Variants in EPHA3 observed in about 807,000 individuals in gnomAD.
EPHA3 encodes the protein EPH receptor A3.
Under a neutral mutation model 107.1 loss-of-function variants are expected in EPHA3, and 42 were observed. The ratio of observed to expected loss-of-function variants is 0.39; its 90% CI spans 0.31 to 0.51. The LOEUF (loss-of-function observed/expected upper bound fraction) is 0.51. Among genes scored for constraint, EPHA3 ranks in the 20% least tolerant of loss-of-function variants. The probability of loss-of-function intolerance (pLI) is 0.78; values close to 1 mark genes in which losing one functional copy is unlikely to be tolerated. For missense variants in EPHA3, 1,183 were observed against 1,211.2 expected (o/e 0.98, Z 0.35); for synonymous variants, 461 against 424.8 (o/e 1.09, Z -1.05).
intron 3 of EPHA3, among the ~76,000 whole-genome samples, chr3:89,282,746 C>T (rs930375504): frequency 3.9e-5 from 6 of 151,980 alleles, no homozygotes; most frequent in East Asian, 3.8e-4. Flanking sequence ...TTGAATCATG[C>T]GTGATCTGTA....
chr3:89,371,716 A>G lies in EPHA3; in HGVS notation c.1307-24121A>G, dbSNP rs550823530. Reference sequence around the variant, plus strand: ...GGTTTATTGTACAAGGCACAGTGATACACATACACACACACACACACACAC... The same window carrying G: ...GGTTTATTGTACAAGGCACAGTGATGCACATACACACACACACACACACAC... On this transcript the variant is annotated intron_variant, in intron 5 of 16. Coordinates refer to ENST00000336596, the MANE Select transcript of EPHA3 (RefSeq NM_005233.6). 4.0e-5 allele frequency among the ~76,000 whole-genome samples: 6 copies of G among 151,092 alleles called. No individual in the cohort carries two copies. The East Asian group carries it at 1.2e-3, about 30-fold the overall frequency.
chr3:89,310,336 A>G (rs1275720495), intron 3 of EPHA3, among the ~76,000 whole-genome samples: 1 of 152,134 alleles, frequency 6.6e-6, no homozygotes, highest in Non-Finnish European at 1.5e-5. Context: ...AATTATCCTT[A>G]TAATGCACAG....
At chr3:89,137,610 A>G (rs1704343292) in intron 2 of EPHA3, among the ~76,000 whole-genome samples, 1 of 151,968 alleles carries the variant, frequency 6.6e-6, no homozygotes, top group African/African-American at 2.4e-5. Flanking sequence ...GTAGATTACC[A>G]TTACTTTTTT....
At chr3:89,224,884 TAAA>T (rs1389918136) in intron 3 of EPHA3, among the ~76,000 whole-genome samples, 4 of 151,096 alleles carry the variant, frequency 2.6e-5, no homozygotes, top group Non-Finnish European at 5.9e-5. Flanking sequence ...TAAATAATAA[TAAA>T]AAAATAAAAA....
intron 3 of EPHA3, among the ~76,000 whole-genome samples, chr3:89,237,534 T>G (rs546990716): frequency 2.6e-5 from 4 of 152,226 alleles, no homozygotes; most frequent in African/African-American, 4.8e-5. Context: ...CATTTTTTCC[T>G]AAGAGTTTCT....
chr3:89,268,949 C>T (rs1356199991), intron 3 of EPHA3, among the ~76,000 whole-genome samples: 1 of 150,948 alleles, frequency 6.6e-6, no homozygotes, highest in African/African-American at 2.4e-5. Context: ...GTATTTTATA[C>T]AAGGTCGTGT....
chr3:89,382,842 A>G (rs1708539421), intron 5 of EPHA3, among the ~76,000 whole-genome samples: 1 of 152,198 alleles, frequency 6.6e-6, no homozygotes, highest in Non-Finnish European at 1.5e-5. Flanking sequence ...ACATGAAGGC[A>G]TGTTCCTGGA....
chr3:89,159,540 AAAT>A, intron 2 of EPHA3, among the ~76,000 whole-genome samples: 1 of 152,250 alleles, frequency 6.6e-6, no homozygotes, highest in East Asian at 1.9e-4. Context: ...GCTGCTGCCA[AAAT>A]AATAAATTCT....
intron 3 of EPHA3, among the ~76,000 whole-genome samples, chr3:89,256,675 T>A (rs952916889): frequency 5.9e-5 from 9 of 152,200 alleles, no homozygotes; most frequent in African/African-American, 1.9e-4. Context: ...GCTAAAGGAA[T>A]TTCTTGTCAA....
chr3:89,397,707 C>A (rs180906960), intron 6 of EPHA3, among the ~76,000 whole-genome samples: 1,714 of 152,212 alleles, frequency 0.011, 36 homozygotes, highest in African/African-American at 0.039. Flanking sequence ...CCTCAGCCTC[C>A]CAAGTAGCTG....
chr3:89,387,716 A>T (rs1708650577), intron 5 of EPHA3, among the ~76,000 whole-genome samples: 1 of 148,478 alleles, frequency 6.7e-6, no homozygotes, highest in South Asian at 2.1e-4. Flanking sequence ...TATAACAAGG[A>T]ATATGTTGAT....
At chr3:89,284,302 A>C (rs1202228666) in intron 3 of EPHA3, among the ~76,000 whole-genome samples, 1 of 152,132 alleles carries the variant, frequency 6.6e-6, no homozygotes, top group Non-Finnish European at 1.5e-5. Flanking sequence ...GACTGGAGTG[A>C]TTAGTGAATT....
intron 7 of EPHA3, among the ~76,000 whole-genome samples, chr3:89,405,530 C>T (rs1709039474): frequency 6.6e-6 from 1 of 152,204 alleles, no homozygotes; most frequent in South Asian, 2.1e-4. Flanking sequence ...CTGCCACACT[C>T]TGAGCACTTT....
intron 3 of EPHA3, among the ~76,000 whole-genome samples, chr3:89,233,661 C>T (rs1293325279): frequency 2.6e-5 from 4 of 152,062 alleles, no homozygotes; most frequent in South Asian, 2.1e-4. Context: ...AGGTCTTGCA[C>T]AATTTCTAAC....
intron 3 of EPHA3, among the ~76,000 whole-genome samples, chr3:89,249,215 GC>G (rs1434900162): frequency 1.3e-5 from 2 of 152,044 alleles, no homozygotes; most frequent in Non-Finnish European, 2.9e-5. Flanking sequence ...TTCTTCAAAG[GC>G]CCTGGTTTTG....
At chr3:89,212,514 A>C (rs1252716672) in intron 3 of EPHA3, among the ~76,000 whole-genome samples, 2 of 152,026 alleles carry the variant, frequency 1.3e-5, no homozygotes, top group Non-Finnish European at 2.9e-5. Context: ...AGATCCCAGC[A>C]TAACTCTTCT....
intron 1 of EPHA3, among the ~76,000 whole-genome samples, chr3:89,115,151 T>C (rs1707222168): frequency 6.6e-6 from 1 of 152,200 alleles, no homozygotes; most frequent in African/African-American, 2.4e-5. Context: ...CGCCCTGTTG[T>C]GCAGCTTGCT....
At chr3:89,385,122 T>C (rs937784500) in intron 5 of EPHA3, among the ~76,000 whole-genome samples, 1 of 152,212 alleles carries the variant, frequency 6.6e-6, no homozygotes, top group Non-Finnish European at 1.5e-5. Flanking sequence ...GCTAATATAC[T>C]GCATTTTCTA....
chr3:89,339,186 C>CA (rs1366030704), intron 3 of EPHA3, among the ~76,000 whole-genome samples: 1 of 151,976 alleles, frequency 6.6e-6, no homozygotes, highest in Non-Finnish European at 1.5e-5. Flanking sequence ...GCCTGACCAA[C>CA]ATGGTGAAAC....
Sources: gnomAD v4.1 joint callset for allele counts (sites outside exome capture counted in the v4.1 genomes callset) on GRCh38, gnomAD v4.1.1 for gene constraint, MANE v1.5 for transcripts, NCBI Gene and HGNC (gene_info 2026-07-23, HGNC 2026-07-21) for gene names.